Variants in QKI observed in about 807,000 individuals in gnomAD.
The protein encoded by QKI is QKI, KH domain containing RNA binding, also known as KH domain-containing RNA-binding protein QKI.
QKI carries 10 observed loss-of-function variants against 39.0 expected under a neutral mutation model. The ratio of observed to expected loss-of-function variants is 0.26; its 90% CI spans 0.16 to 0.43. QKI has a LOEUF of 0.43. Among genes scored for constraint, QKI ranks in the 20% least tolerant of loss-of-function variants. The pLI is 1.00. For missense variants in QKI, 218 were observed against 428.0 expected, an observed-to-expected ratio of 0.51 and a Z score of 4.33; for synonymous variants, 204 against 155.4, an observed-to-expected ratio of 1.31 and a Z score of -2.33.
At chr6:163,447,389 A>G (rs758164330) in intron 1 of QKI, among the ~76,000 whole-genome samples, 3 of 152,044 alleles carry the variant, frequency 2.0e-5, no homozygotes, top group Non-Finnish European at 4.4e-5. Flanking sequence ...CTACTTTGAA[A>G]TATACAATGT....
At chr6:163,515,835 A>G (rs1293539555) in intron 3 of QKI, among the ~76,000 whole-genome samples, 1 of 152,174 alleles carries the variant, frequency 6.6e-6, no homozygotes. Context: ...TTTCTATTTA[A>G]GATACAAAAT....
At chr6:163,488,978 T>C (rs1024009658) in intron 3 of QKI, among the ~76,000 whole-genome samples, 2 of 150,676 alleles carry the variant, frequency 1.3e-5, no homozygotes, top group Admixed American at 6.6e-5. Flanking sequence ...CATTTCTTTT[T>C]TTTTTTTTTT....
intron 2 of QKI, among the ~76,000 whole-genome samples, chr6:163,467,861 G>C (rs1437052479): frequency 6.6e-6 from 1 of 152,128 alleles, no homozygotes; most frequent in Non-Finnish European, 1.5e-5. Flanking sequence ...CTCAATTTAT[G>C]ATGGGGCCAT....
At position 163,574,558 on chromosome 6, in the gene QKI, A is replaced by T. The variant is rs1232889492; in HGVS notation, c.*3848A>T. 6.6e-6 allele frequency: 1 copy of T among 152,208 alleles called. No homozygotes were observed. The highest frequency in any genetic ancestry group is 2.4e-5 in the African/African-American group (1 of 41,444). 9.4% of individuals were successfully genotyped at this position (152,208 alleles called of 1,614,324 possible). ...CAGTCAGACTAAAACATTAAACAAG[A>T]AGTTTAAGGGGGAATAACATTGGGA... is the stretch of plus-strand genomic sequence containing the variant. On this transcript the variant is annotated 3_prime_UTR_variant, in exon 8 of 8. Coordinates refer to ENST00000361752, the MANE Select transcript of QKI (RefSeq NM_006775.3).
chr6:163,483,728 T>C (rs1394135863), intron 3 of QKI, among the ~76,000 whole-genome samples: 1 of 152,216 alleles, frequency 6.6e-6, no homozygotes, highest in Non-Finnish European at 1.5e-5. Context: ...AGAGTCATCC[T>C]TGAGGGTTGG....
In QKI at chr6:163,415,143, CCGGCGGCGGCGGCGG is replaced by C; in HGVS notation, c.-41_-27del. ...GCTCGCCCCCGCCCCTCCCTCCTCT[CCGGCGGCGGCGGCGG>C]CGGCGGCGGGCGGAGTGAGCTGCGG... On this transcript the variant is annotated 5_prime_UTR_variant, in exon 1 of 8. Coordinates refer to ENST00000361752, the MANE Select transcript of QKI (RefSeq NM_006775.3). 7.4e-7 allele frequency: 1 copy of C among 1,357,074 alleles called. No individual in the cohort carries two copies. Among genetic ancestry groups the C allele is most frequent in the Non-Finnish European group, 9.7e-7 (1 of 1,030,408 alleles). The allele number at this position is 1,357,074 out of a possible 1,614,324, so 84.1% of individuals were successfully genotyped here. A position where few individuals can be genotyped will look rare whatever the true frequency, so the allele number is the denominator to read the frequency against.
chr6:163,563,373 A>G (rs1374038327), intron 5 of QKI, 47 bp from the exon 6 acceptor site: 2 of 1,476,970 alleles, frequency 1.4e-6, no homozygotes, highest in Non-Finnish European at 9.1e-7. Context: ...TCCGTATTTT[A>G]TACTGCTGTC....
intron 4 of QKI, among the ~76,000 whole-genome samples, chr6:163,551,555 G>C (rs541399215): frequency 3.3e-5 from 5 of 152,336 alleles, no homozygotes; most frequent in Admixed American, 3.3e-4. Flanking sequence ...ACCTCCTCTG[G>C]TGTTACCACC....
chr6:163,442,543 G>A (rs879223501), intron 1 of QKI, among the ~76,000 whole-genome samples: 3 of 152,186 alleles, frequency 2.0e-5, no homozygotes, highest in Admixed American at 2.0e-4. Context: ...TTAAGATTAG[G>A]TAGGAAATGA....
intron 3 of QKI, among the ~76,000 whole-genome samples, chr6:163,514,620 C>T (rs546366291): frequency 2.0e-5 from 3 of 152,134 alleles, no homozygotes; most frequent in Non-Finnish European, 2.9e-5. Context: ...TTAGACTAAG[C>T]TATTTTACTC....
chr6:163,488,808 T>C (rs1777851674), intron 3 of QKI, among the ~76,000 whole-genome samples: 1 of 152,272 alleles, frequency 6.6e-6, no homozygotes, highest in Middle Eastern at 3.4e-3. Context: ...TAAAATATTT[T>C]CCTGTTTTCT....
intron 3 of QKI, among the ~76,000 whole-genome samples, chr6:163,491,537 ATTATTT>A (rs146334509): frequency 0.045 from 6,851 of 151,748 alleles, 165 homozygotes; most frequent in Middle Eastern, 0.092. Context: ...TATTGACTAG[ATTATTT>A]TTAAGTTTGA....
rs1777638076 is a variant in QKI, at chr6:163,577,367, G to A, written c.*6657G>A. 6.6e-6 allele frequency: 1 copy of A among 151,262 alleles called. No individual in the cohort carries two copies. The highest frequency in any genetic ancestry group is 1.5e-5 in the Non-Finnish European group (1 of 67,898). 9.4% of individuals were successfully genotyped at this position (151,262 alleles called of 1,614,324 possible). ...CGGTGTTTTGCTTTTTAAACTACTT[G>A]CCATAATTTAAAAGTGGCAACACTA... On this transcript the variant is annotated 3_prime_UTR_variant, in exon 8 of 8. Transcript: ENST00000361752.
At chr6:163,531,816 A>G (rs1311664054) in intron 3 of QKI, among the ~76,000 whole-genome samples, 1 of 152,182 alleles carries the variant, frequency 6.6e-6, no homozygotes, top group Non-Finnish European at 1.5e-5. Flanking sequence ...GAGTTTGTAC[A>G]TTTTAAACTC....
At chr6:163,451,936 A>G (rs899058542) in intron 1 of QKI, among the ~76,000 whole-genome samples, 4 of 152,206 alleles carry the variant, frequency 2.6e-5, no homozygotes, top group African/African-American at 9.6e-5. Context: ...CTAGGATAAC[A>G]TTCCCAGAAG....
At chr6:163,544,691 G>GT (rs1200057806) in intron 4 of QKI, among the ~76,000 whole-genome samples, 7 of 151,956 alleles carry the variant, frequency 4.6e-5, no homozygotes, top group Admixed American at 1.3e-4. Context: ...CTTTTTGGAG[G>GT]TCTTAACATT....
At chr6:163,476,159 A>G (rs1450421927) in intron 2 of QKI, among the ~76,000 whole-genome samples, 1 of 152,212 alleles carries the variant, frequency 6.6e-6, no homozygotes, top group Non-Finnish European at 1.5e-5. Flanking sequence ...TGGTTAAAAT[A>G]TAAAAACACT....
intron 1 of QKI, chr6:163,455,067 C>G (rs547236809): frequency 1.1e-5 from 4 of 356,922 alleles, no homozygotes; most frequent in Admixed American, 9.0e-5. Context: ...TTATTTGATT[C>G]GTATAAAAAT....
intron 4 of QKI, among the ~76,000 whole-genome samples, chr6:163,546,963 TAAATA>T (rs1477257502): frequency 1.2e-4 from 19 of 152,154 alleles, no homozygotes; most frequent in Non-Finnish European, 2.1e-4. Context: ...CTTTAATGTA[TAAATA>T]AAATATAAGA....
Sources: gnomAD v4.1 joint callset for allele counts (sites outside exome capture counted in the v4.1 genomes callset) on GRCh38, gnomAD v4.1.1 for gene constraint, MANE v1.5 for transcripts, NCBI Gene and HGNC (gene_info 2026-07-23, HGNC 2026-07-21) for gene names.